The following CHAF1A variants were observed in gnomAD, a reference collection of about 807,000 sequenced individuals.
The protein encoded by CHAF1A is chromatin assembly factor 1 subunit A.
CHAF1A carries 5 observed loss-of-function variants against 93.2 expected under a neutral mutation model. The observed-to-expected ratio is 0.05, with a 90% CI of 0.03 to 0.11. CHAF1A has a LOEUF of 0.11. CHAF1A is among the 10% of genes least tolerant of loss of function. CHAF1A has a pLI of 1.00. For synonymous variants in CHAF1A, 504 were observed against 510.3 expected (o/e 0.99, Z 0.17); for missense variants, 1,102 against 1,259.9 (o/e 0.87, Z 1.90).
intron 1 of CHAF1A, among the ~76,000 whole-genome samples, chr19:4,405,314 T>C (rs558444815): frequency 6.6e-6 from 1 of 152,240 alleles, no homozygotes; most frequent in East Asian, 1.9e-4. Flanking sequence ...GTGTCTAGGG[T>C]AGGATTTCTC....
chr19:4,413,697 A>T (rs1425278245), intron 3 of CHAF1A, among the ~76,000 whole-genome samples: 2 of 152,054 alleles, frequency 1.3e-5, no homozygotes, highest in African/African-American at 4.8e-5. Context: ...AGAAAATGGG[A>T]GTTTGTTCCG....
At chr19:4,420,048 C>G (rs1230934978) in intron 4 of CHAF1A, among the ~76,000 whole-genome samples, 1 of 152,158 alleles carries the variant, frequency 6.6e-6, no homozygotes, top group Non-Finnish European at 1.5e-5. Flanking sequence ...CAGGCTGTGT[C>G]TCTGTGGCTT....
At chr19:4,441,959 G>C (rs1443723321) in intron 13 of CHAF1A, among the ~76,000 whole-genome samples, 1 of 152,236 alleles carries the variant, frequency 6.6e-6, no homozygotes, top group Non-Finnish European at 1.5e-5. Flanking sequence ...CAGGTATGCG[G>C]CCTGTCACTG....
At chr19:4,447,695 T>G, downstream of CHAF1A, 1 of 1,504,660 alleles carries the variant, frequency 6.6e-7, no homozygotes, top group Non-Finnish European at 9.2e-7. Context: ...TGCCTCCTGC[T>G]CCAGGTAACA....
At chr19:4,442,778 CGCCCCAGCCTCT>C in intron 14 of CHAF1A, 135 bp from the exon 15 acceptor site, 3 of 612,340 alleles carry the variant, frequency 4.9e-6, no homozygotes, top group Non-Finnish European at 8.5e-6. Context: ...AGAGGCACAA[CGCCCCAGCCTCT>C]GCCTGTCCCC....
chr19:4,434,232 G>T (rs1974241659), intron 13 of CHAF1A, among the ~76,000 whole-genome samples: 1 of 152,160 alleles, frequency 6.6e-6, no homozygotes, highest in Admixed American at 6.5e-5. Context: ...TGTAGTCTCA[G>T]CTACTCAGGA....
intron 13 of CHAF1A, among the ~76,000 whole-genome samples, chr19:4,441,351 T>C (rs2145154009): frequency 6.6e-6 from 1 of 152,056 alleles, no homozygotes; most frequent in South Asian, 2.1e-4. Flanking sequence ...TACAGTTGTC[T>C]GTAATCCCAG....
In CHAF1A at chr19:4,433,146, C is replaced by G. The variant is rs991348329; in HGVS notation, c.2280C>G (p.His760Gln). 1 of 1,612,540 alleles carries G rather than the reference C, an allele frequency of 6.2e-7. No individual in the cohort carries two copies. The highest frequency in any genetic ancestry group is 1.3e-5 in the African/African-American group (1 of 74,916). ...SKVIIREFQE[H>Q]CRRGLLSNHT... Reference sequence around the variant, plus strand: ...TCATCATCCGGGAGTTCCAGGAGCACTGCCGCCGGGGACTGCTCAGCAACC... The same window carrying G: ...TCATCATCCGGGAGTTCCAGGAGCAGTGCCGCCGGGGACTGCTCAGCAACC... The change falls in exon 13 of 15, where the codon CAC (histidine) becomes CAG (glutamine). Residue 760 changes from histidine (H) to glutamine (Q), a missense_variant. His to Gln is a conservative substitution (Grantham distance 24). Around this residue, in one of 6 missense-constraint regions of CHAF1A, gnomAD observed 335 missense variants for 361.9 expected, o/e 0.93. Coordinates refer to ENST00000301280, the MANE Select transcript of CHAF1A (RefSeq NM_005483.3). This position sits in a 1 kb window ranked among gnomAD's most constrained non-coding sequence, Gnocchi z 5.6.
At chr19:4,447,472 T>G, downstream of CHAF1A, 1 of 1,510,262 alleles carries the variant, frequency 6.6e-7, no homozygotes. Context: ...CACCGCCTGG[T>G]GTGGGCCACC....
intron 4 of CHAF1A, among the ~76,000 whole-genome samples, chr19:4,419,751 T>C (rs1459120500): frequency 6.6e-6 from 1 of 152,166 alleles, no homozygotes; most frequent in Non-Finnish European, 1.5e-5. Context: ...TTTTACAGTT[T>C]ATCTCATTCT....
Position 4,441,642 on chromosome 19 carries a change from C to A in CHAF1A, c.2674-603C>A, listed in dbSNP as rs563839527. On this transcript the variant is annotated intron_variant, in intron 13 of 14. Transcript: ENST00000301280. ...AAAATAAAGGCCAGGCATGGTGGCT[C>A]ACACCTGTAATCCCAGCACTTTGGG... Among the ~76,000 whole-genome samples the A allele has an allele frequency of 5.3e-5, 8 of 151,180 alleles. 1 individual carries two copies. Among genetic ancestry groups the A allele is most frequent in the African/African-American group, 1.9e-4 (8 of 41,082 alleles).
intron 3 of CHAF1A, among the ~76,000 whole-genome samples, chr19:4,412,097 G>A (rs1458581717): frequency 1.3e-5 from 2 of 152,172 alleles, no homozygotes; most frequent in Non-Finnish European, 2.9e-5. Flanking sequence ...ACACATTTCA[G>A]CTTCTACCTA....
At chr19:4,430,453 G>A (rs1211754618) in intron 10 of CHAF1A, 96 bp from the exon 11 acceptor site, 11 of 779,962 alleles carry the variant, frequency 1.4e-5, no homozygotes, top group South Asian at 8.7e-5. Flanking sequence ...GCTGGGATTA[G>A]AGGTGTGAGC....
At chr19:4,423,986 TC>T in intron 7 of CHAF1A, 112 bp downstream of exon 7, 1 of 942,816 alleles carries the variant, frequency 1.1e-6, no homozygotes, top group Non-Finnish European at 1.7e-6. Context: ...GGAGGGAGCC[TC>T]CAGTGACCTA....
chr19:4,435,077 CT>C (rs936176484), intron 13 of CHAF1A, among the ~76,000 whole-genome samples: 2 of 122,252 alleles, frequency 1.6e-5, no homozygotes, highest in South Asian at 2.5e-4. Flanking sequence ...TCTCTTTTTT[CT>C]TTTTTTTCCT....
At chr19:4,446,737 A>G (rs201109123), downstream of CHAF1A, 1,198 of 1,609,338 alleles carry the variant, frequency 7.4e-4, 1 homozygote, top group Middle Eastern at 2.3e-3. Context: ...GTGGCAGGAC[A>G]TGGGTGTCAC....
chr19:4,442,636 A>C (rs531337101), intron 14 of CHAF1A, among the ~76,000 whole-genome samples: 1 of 152,326 alleles, frequency 6.6e-6, no homozygotes, highest in South Asian at 2.1e-4. Context: ...AGGGAGGGCC[A>C]GGTGGATTTC....
At position 4,420,580 on chromosome 19, in the gene CHAF1A, G is replaced by A. The variant is rs574176953; in HGVS notation, c.1018-1986G>A. On this transcript the variant is annotated intron_variant, in intron 4 of 14. Coordinates refer to ENST00000301280, the MANE Select transcript of CHAF1A (RefSeq NM_005483.3). ...TTGAACTTCAGATTACGTAATGACT[G>A]AGTGTCCCAGGCCACTGCCAAGTCT... 2.6e-5 allele frequency among the ~76,000 whole-genome samples: 4 copies of A among 152,276 alleles called. No homozygotes were observed. The East Asian group carries it at 5.8e-4, about 22-fold the overall frequency.
downstream of CHAF1A, chr19:4,447,285 T>A (rs923008930): frequency 2.3e-5 from 13 of 572,740 alleles, no homozygotes; most frequent in Non-Finnish European, 3.8e-5. Flanking sequence ...AGTCGACATG[T>A]TCCCAAACAA....
Sources: allele counts gnomAD v4.1 joint callset (sites outside exome capture counted in the v4.1 genomes callset), GRCh38; gene constraint gnomAD v4.1.1; regional missense constraint gnomAD v4.1.1; non-coding constraint Gnocchi (gnomAD v3.1); transcripts MANE v1.5; gene names NCBI Gene and HGNC (gene_info 2026-07-23, HGNC 2026-07-21).